Variants in DMGDH observed in about 807,000 individuals in gnomAD.
DMGDH encodes dimethylglycine dehydrogenase, mitochondrial.
Under a neutral mutation model 95.2 loss-of-function variants are expected in DMGDH, and 76 were observed. The observed-to-expected ratio is 0.80, with a 90% CI of 0.66 to 0.97. The LOEUF (loss-of-function observed/expected upper bound fraction) is 0.97. Among genes scored for constraint, DMGDH ranks in the 50% least tolerant of loss-of-function variants. The pLI is 0.00. For missense variants in DMGDH, 987 were observed against 1,055.0 expected (o/e 0.94, Z 0.89); for synonymous variants, 345 against 377.6 (o/e 0.91, Z 1.00).
intron 7 of DMGDH, among the ~76,000 whole-genome samples, chr5:79,034,558 T>C (rs1432389835): frequency 6.6e-6 from 1 of 151,618 alleles, no homozygotes; most frequent in African/African-American, 2.4e-5. Context: ...GAGCAGAGAG[T>C]CATGGGGAGA....
At chr5:79,035,744 G>A (rs1419220058) in intron 7 of DMGDH, among the ~76,000 whole-genome samples, 1 of 151,970 alleles carries the variant, frequency 6.6e-6, no homozygotes, top group South Asian at 2.1e-4. Flanking sequence ...TGGTGGGCGG[G>A]GGGGGAATCC....
At chr5:79,042,799 G>C (rs1039514603) in intron 6 of DMGDH, among the ~76,000 whole-genome samples, 1 of 151,904 alleles carries the variant, frequency 6.6e-6, no homozygotes, top group Non-Finnish European at 1.5e-5. Context: ...AATTTGGTTT[G>C]TCAAGAAGAT....
intron 6 of DMGDH, 28 bp downstream of exon 6, chr5:79,044,276 A>C: frequency 6.2e-7 from 1 of 1,614,170 alleles, no homozygotes; most frequent in East Asian, 2.2e-5. Context: ...ATGTCTGACT[A>C]GCACACACTT....
At chr5:79,038,598 G>C (rs1456347261) in intron 7 of DMGDH, among the ~76,000 whole-genome samples, 2 of 152,174 alleles carry the variant, frequency 1.3e-5, no homozygotes, top group East Asian at 3.8e-4. Flanking sequence ...TTTTTATAAA[G>C]ATGCTGTGGT....
chr5:79,019,220 A>C (rs535328460), intron 14 of DMGDH, among the ~76,000 whole-genome samples: 1 of 152,262 alleles, frequency 6.6e-6, no homozygotes, highest in East Asian at 1.9e-4. Context: ...TGGTGACTTA[A>C]AAAAAATTCA....
intron 14 of DMGDH, chr5:79,021,295 A>C: frequency 9.2e-7 from 1 of 1,081,482 alleles, no homozygotes; most frequent in Non-Finnish European, 1.1e-6. Flanking sequence ...TAGTTCCTGA[A>C]ATATTATTTG....
At chr5:78,998,446 G>C in intron 15 of DMGDH, 149 bp from the exon 16 acceptor site, 1 of 712,472 alleles carries the variant, frequency 1.4e-6, no homozygotes, top group Non-Finnish European at 2.4e-6. Flanking sequence ...AGAGACACAG[G>C]AGGAAAACTT....
At chr5:79,008,565 C>G (rs1443440435) in intron 14 of DMGDH, among the ~76,000 whole-genome samples, 3 of 152,132 alleles carry the variant, frequency 2.0e-5, no homozygotes, top group Non-Finnish European at 4.4e-5. Context: ...GTGGTGGAAG[C>G]TGGCCATGAC....
At chr5:79,042,605 T>C in intron 6 of DMGDH, 124 bp from the exon 7 acceptor site, 1 of 862,358 alleles carries the variant, frequency 1.2e-6, no homozygotes, top group Admixed American at 1.9e-5. Flanking sequence ...TGCCATTTTT[T>C]GTTAAAGTCT....
In DMGDH at chr5:79,028,433, C is replaced by T. The variant is rs774581343; in HGVS notation, c.2032G>A (p.Gly678Ser). The T allele has an allele frequency of 1.5e-4, 234 of 1,607,050 alleles. No individual in the cohort carries two copies. Among genetic ancestry groups the T allele is most frequent in the Non-Finnish European group, 1.9e-4 (228 of 1,173,870 alleles). The change falls in exon 12 of 16, where the codon GGT becomes AGT. Residue 678 changes from glycine to serine, a missense_variant and splice_region_variant. Transcript: ENST00000255189. The stretch of plus-strand genomic sequence containing the variant: ...AGTCCAGGTTGTTTTCCAATCTTAC[C>T]AGTATAAGATATCCTAATAGCAGTG... ...PVTAIRISYT[G>S]ELGWELYHRR...
At chr5:79,041,392 T>C (rs1170977743) in intron 7 of DMGDH, among the ~76,000 whole-genome samples, 1 of 152,172 alleles carries the variant, frequency 6.6e-6, no homozygotes, top group Non-Finnish European at 1.5e-5. Flanking sequence ...TGTGATATGA[T>C]AGTTGAGTGG....
intron 5 of DMGDH, among the ~76,000 whole-genome samples, chr5:79,046,088 GTTTT>G (rs1754665056): frequency 7.5e-6 from 1 of 133,946 alleles, no homozygotes; most frequent in Non-Finnish European, 1.5e-5. Context: ...GTTTTGTTTT[GTTTT>G]GTTTTGTTTT....
chr5:79,044,554 T>C lies in DMGDH; in HGVS notation c.746-2A>G. On this transcript the variant is annotated splice_acceptor_variant, in intron 5 of 15. Coordinates refer to ENST00000255189, the MANE Select transcript of DMGDH (RefSeq NM_013391.3). LOFTEE classifies it high-confidence loss of function. ...TACCTACTTCACGAGCCCAAAATCCTTAAACAAAAAAATCATTTAAAAGTG... is the reference window on the plus strand; with the variant it reads ...TACCTACTTCACGAGCCCAAAATCCCTAAACAAAAAAATCATTTAAAAGTG... The C allele has an allele frequency of 6.2e-7, 1 of 1,613,824 alleles. No individual in the cohort carries two copies.
chr5:79,048,405 C>G (rs1044332664), intron 5 of DMGDH, among the ~76,000 whole-genome samples: 1 of 152,144 alleles, frequency 6.6e-6, no homozygotes, highest in African/African-American at 2.4e-5. Context: ...ACCCTGCAGA[C>G]CCCAGCAGCC....
intron 14 of DMGDH, among the ~76,000 whole-genome samples, chr5:79,009,609 C>G (rs1753611243): frequency 6.6e-6 from 1 of 152,112 alleles, no homozygotes; most frequent in South Asian, 2.1e-4. Flanking sequence ...ATCTGCTTAC[C>G]TCAGCCTCCC....
intron 14 of DMGDH, among the ~76,000 whole-genome samples, chr5:79,016,275 G>T (rs1224612160): frequency 6.6e-6 from 1 of 151,186 alleles, no homozygotes; most frequent in Non-Finnish European, 1.5e-5. Flanking sequence ...AGAAAAAAAA[G>T]ATATCCAAAT....
At chr5:79,061,105 C>T (rs1755194579) in intron 2 of DMGDH, among the ~76,000 whole-genome samples, 1 of 151,600 alleles carries the variant, frequency 6.6e-6, no homozygotes, top group African/African-American at 2.4e-5. Context: ...CAGCTGTGGT[C>T]CCAGCTACAG....
intron 14 of DMGDH, among the ~76,000 whole-genome samples, chr5:79,010,928 C>G (rs534192287): frequency 1.3e-5 from 2 of 152,190 alleles, no homozygotes; most frequent in East Asian, 3.9e-4. Flanking sequence ...CACTATCCTT[C>G]AATATTTTCC....
chr5:79,009,926 G>C (rs1487755834), intron 14 of DMGDH, among the ~76,000 whole-genome samples: 2 of 152,128 alleles, frequency 1.3e-5, no homozygotes, highest in Non-Finnish European at 2.9e-5. Flanking sequence ...GATGACCCAA[G>C]AACAGAAGTA....
Sources: gnomAD v4.1 joint callset for allele counts (sites outside exome capture counted in the v4.1 genomes callset) on GRCh38, gnomAD v4.1.1 for gene constraint, MANE v1.5 for transcripts, NCBI Gene and HGNC (gene_info 2026-07-23, HGNC 2026-07-21) for gene names.